The following IRAK1BP1 variants were observed in gnomAD, a reference collection of about 807,000 sequenced individuals.
The protein encoded by IRAK1BP1 is interleukin 1 receptor associated kinase 1 binding protein 1.
In IRAK1BP1, 24 loss-of-function variants were observed where a neutral mutation model predicts 28.0. That is an observed-to-expected ratio of 0.86 (90% CI 0.62 to 1.20). The LOEUF (loss-of-function observed/expected upper bound fraction) is 1.20, where lower values mean the gene tolerates loss of function less well. Ranked by LOEUF, IRAK1BP1 falls within the 50% of genes most tolerant of loss-of-function variation. The probability of loss-of-function intolerance (pLI) is 0.00; values close to 1 mark genes in which losing one functional copy is unlikely to be tolerated. For missense variants in IRAK1BP1, 336 were observed against 316.7 expected, an observed-to-expected ratio of 1.06 and a Z score of -0.46; for synonymous variants, 131 against 116.3, an observed-to-expected ratio of 1.13 and a Z score of -0.81.
At chr6:78,948,756 A>G (rs1773972460), downstream of IRAK1BP1, among the ~76,000 whole-genome samples, 1 of 152,196 alleles carries the variant, frequency 6.6e-6, no homozygotes, top group Admixed American at 6.5e-5. Context: ...GACCTCCCAA[A>G]GTGCTGGGAT....
the IRAK1BP1 span, among the ~76,000 whole-genome samples, chr6:78,968,460 T>C: frequency 1.2e-4 from 18 of 152,216 alleles, no homozygotes; most frequent in African/African-American, 4.1e-4. Context: ...GTGAAATCCA[T>C]GAATATGGAA....
rs750906735 is a variant in IRAK1BP1 at position 78,903,092 on chromosome 6, C to T, written c.*4758C>T. 1 of 1,493,188 alleles carries T rather than the reference C, an allele frequency of 6.7e-7. No individual in the cohort carries two copies. The highest frequency in any genetic ancestry group is 1.2e-5 in the South Asian group (1 of 82,938). The allele number at this position is 1,493,188 out of a possible 1,614,324, so 92.5% of individuals were successfully genotyped here. ...GAATCCCACATCAAATGAACAAATA[C>T]TGCCTCTGGACTCTGAATGTAAGTT... is the stretch of plus-strand genomic sequence containing the variant. On this transcript the variant is annotated 3_prime_UTR_variant, in exon 4 of 4. Coordinates refer to ENST00000369940, the MANE Select transcript of IRAK1BP1 (RefSeq NM_001010844.4).
At chr6:78,955,728 A>AT in the IRAK1BP1 span, 5 of 665,482 alleles carry the variant, frequency 7.5e-6, no homozygotes, top group South Asian at 4.1e-5. Flanking sequence ...AACCATGATA[A>AT]TTTTTTTCCT....
chr6:78,955,381 C>A, the IRAK1BP1 span: 4 of 862,412 alleles, frequency 4.6e-6, no homozygotes, highest in African/African-American at 1.7e-5. Context: ...CACTGGAACA[C>A]CTGTAATGTA....
intron 4 of IRAK1BP1, among the ~76,000 whole-genome samples, chr6:78,912,083 G>T (rs752081833): frequency 7.9e-5 from 12 of 152,096 alleles, no homozygotes; most frequent in Non-Finnish European, 1.6e-4. Flanking sequence ...AATTGACTTG[G>T]CAATTCATAA....
chr6:78,891,037 G>C (rs1771639223), intron 2 of IRAK1BP1, among the ~76,000 whole-genome samples: 1 of 152,092 alleles, frequency 6.6e-6, no homozygotes, highest in East Asian at 1.9e-4. Context: ...GGGGACAGGA[G>C]GACTAAGGGC....
intron 4 of IRAK1BP1, among the ~76,000 whole-genome samples, chr6:78,932,520 C>A (rs1773085385): frequency 6.8e-6 from 1 of 147,566 alleles, no homozygotes; most frequent in Admixed American, 7.0e-5. Flanking sequence ...CTCCCAGGTT[C>A]AAGCAATTCT....
intron 2 of IRAK1BP1, among the ~76,000 whole-genome samples, chr6:78,891,319 G>T (rs1374337137): frequency 6.6e-6 from 1 of 152,154 alleles, no homozygotes. Context: ...TTAAAAAAAG[G>T]TTCTAAGTGA....
chr6:78,962,030 G>A, the IRAK1BP1 span, among the ~76,000 whole-genome samples: 8 of 151,962 alleles, frequency 5.3e-5, no homozygotes, highest in African/African-American at 1.9e-4. Flanking sequence ...TTTATTCATA[G>A]GTTCACCGGG....
At chr6:78,973,379 G>T in the IRAK1BP1 span, among the ~76,000 whole-genome samples, 1 of 146,372 alleles carries the variant, frequency 6.8e-6, no homozygotes, top group African/African-American at 2.5e-5. Context: ...TGAAGGAAGC[G>T]CTAAACATGG....
chr6:78,906,701 A>G (rs542661723), downstream of IRAK1BP1, among the ~76,000 whole-genome samples: 1 of 152,264 alleles, frequency 6.6e-6, no homozygotes, highest in East Asian at 1.9e-4. Context: ...ATGCATACTG[A>G]TCTTGGATTA....
chr6:78,872,242 A>G, intron 1 of IRAK1BP1: 1 of 598,478 alleles, frequency 1.7e-6, no homozygotes, highest in South Asian at 2.1e-5. Context: ...TTCTTTCCTT[A>G]TCTGTCTTGC....
At chr6:78,869,653 G>T (rs957728204) in intron 1 of IRAK1BP1, among the ~76,000 whole-genome samples, 1 of 152,212 alleles carries the variant, frequency 6.6e-6, no homozygotes, top group Non-Finnish European at 1.5e-5. Flanking sequence ...TAGATAATTT[G>T]TTCAGGAGAT....
chr6:78,974,083 GCACCA>G, the IRAK1BP1 span, among the ~76,000 whole-genome samples: 3 of 151,922 alleles, frequency 2.0e-5, no homozygotes, highest in South Asian at 2.1e-4. Flanking sequence ...ATTTTTTTCA[GCACCA>G]CACCACACCT....
intron 4 of IRAK1BP1, among the ~76,000 whole-genome samples, chr6:78,928,100 G>A (rs1003438896): frequency 6.6e-6 from 1 of 151,958 alleles, no homozygotes; most frequent in Non-Finnish European, 1.5e-5. Flanking sequence ...GATATCTGTA[G>A]ATTCTTTGGG....
At chr6:78,974,720 T>C in the IRAK1BP1 span, among the ~76,000 whole-genome samples, 2 of 152,060 alleles carry the variant, frequency 1.3e-5, no homozygotes, top group African/African-American at 4.8e-5. Flanking sequence ...AAATACAAAC[T>C]ACCATCAGAG....
At chr6:78,926,799 G>A (rs1772902408) in intron 4 of IRAK1BP1, among the ~76,000 whole-genome samples, 1 of 152,004 alleles carries the variant, frequency 6.6e-6, no homozygotes, top group African/African-American at 2.4e-5. Context: ...AACATATGAT[G>A]TTTGTCTTTC....
the IRAK1BP1 span, among the ~76,000 whole-genome samples, chr6:78,971,084 C>T: frequency 6.6e-6 from 1 of 152,138 alleles, no homozygotes; most frequent in African/African-American, 2.4e-5. Flanking sequence ...AATAACATTA[C>T]TTTGAATACA....
At chr6:78,955,701 T>A in the IRAK1BP1 span, 1 of 802,662 alleles carries the variant, frequency 1.2e-6, no homozygotes, top group Non-Finnish European at 2.1e-6. Flanking sequence ...CAAGGAAATG[T>A]TAACATGTAA....
Sources: allele counts gnomAD v4.1 joint callset (sites outside exome capture counted in the v4.1 genomes callset), GRCh38; gene constraint gnomAD v4.1.1; transcripts MANE v1.5; gene names NCBI Gene and HGNC (gene_info 2026-07-23, HGNC 2026-07-21).